Variants in ATP6V1A observed in about 807,000 individuals in gnomAD.
ATP6V1A encodes ATPase H+ transporting V1 subunit A.
In ATP6V1A, 18 loss-of-function variants were observed where a neutral mutation model predicts 70.1. The observed-to-expected ratio is 0.26, with a 90% confidence interval of 0.18 to 0.38. ATP6V1A has a LOEUF of 0.38. Among genes scored for constraint, ATP6V1A ranks in the 10% least tolerant of loss-of-function variants. The pLI is 1.00. For synonymous variants in ATP6V1A, 232 were observed against 253.8 expected (o/e 0.91, Z 0.82); for missense variants, 424 against 772.4 (o/e 0.55, Z 5.35).
At chr3:113,753,259 C>A (rs1034075539) in intron 1 of ATP6V1A, among the ~76,000 whole-genome samples, 16 of 152,196 alleles carry the variant, frequency 1.1e-4, no homozygotes, top group African/African-American at 3.9e-4. Context: ...AATATTATTT[C>A]TCTGACAAGC....
In ATP6V1A at chr3:113,767,987, G is replaced by A. The variant is rs79455600; in HGVS notation, c.-13-10754G>A. Among the ~76,000 whole-genome samples the A allele has an allele frequency of 5.2e-3, 787 of 152,220 alleles. 10 individuals carry two copies. Among genetic ancestry groups the A allele is most frequent in the African/African-American group, 0.018 (765 of 41,548 alleles). ...AAAAGTGACATAAAAATCATTTCTG[G>A]ACAAGCTTGTTGATGAACTGTAAGT... On this transcript the variant is annotated intron_variant, in intron 1 of 14. Coordinates refer to ENST00000273398, the MANE Select transcript of ATP6V1A (RefSeq NM_001690.4).
At chr3:113,750,715 G>C (rs1314347649) in intron 1 of ATP6V1A, among the ~76,000 whole-genome samples, 2 of 152,110 alleles carry the variant, frequency 1.3e-5, no homozygotes, top group Non-Finnish European at 2.9e-5. Context: ...AAAATGCCTA[G>C]AACATATTTT....
At position 113,809,596 on chromosome 3, in the gene ATP6V1A, C is replaced by T; in HGVS notation, c.*169C>T. 9 of 547,216 alleles carry T rather than the reference C, an allele frequency of 1.6e-5. No individual in the cohort carries two copies. In the South Asian group the frequency reaches 2.1e-4, roughly 13 times the overall value. The allele number at this position is 547,216 out of a possible 1,614,324, so 33.9% of individuals were successfully genotyped here. A position where few individuals can be genotyped will look rare whatever the true frequency, so the allele number is the denominator to read the frequency against. On this transcript the variant is annotated 3_prime_UTR_variant, in exon 15 of 15. Coordinates refer to ENST00000273398, the MANE Select transcript of ATP6V1A (RefSeq NM_001690.4). ...TTTTTTTGGTAGGTCTTATATAAAA[C>T]AAACATTCCTTTGTTCTAGTGTTGT...
At chr3:113,768,480 G>A (rs1049221769) in intron 1 of ATP6V1A, among the ~76,000 whole-genome samples, 1 of 152,064 alleles carries the variant, frequency 6.6e-6, no homozygotes, top group Non-Finnish European at 1.5e-5. Context: ...TCCTTAGCAA[G>A]GTGGGCTGCC....
At chr3:113,804,369 A>G (rs892218063) in intron 13 of ATP6V1A, among the ~76,000 whole-genome samples, 1 of 152,150 alleles carries the variant, frequency 6.6e-6, no homozygotes, top group African/African-American at 2.4e-5. Flanking sequence ...TCATTTCCCA[A>G]GAGTCCTATT....
intron 13 of ATP6V1A, 52 bp downstream of exon 13, chr3:113,803,729 G>A: frequency 2.1e-6 from 3 of 1,428,982 alleles, no homozygotes; most frequent in Non-Finnish European, 2.9e-6. Context: ...GTTGTGTTTT[G>A]GTGAAGGAGT....
intron 11 of ATP6V1A, among the ~76,000 whole-genome samples, chr3:113,797,391 T>C (rs980874868): frequency 7.9e-5 from 12 of 151,870 alleles, no homozygotes; most frequent in African/African-American, 2.9e-4. Flanking sequence ...TAAGCTGGCA[T>C]TACAGGCATG....
At chr3:113,775,229 CTTT>C (rs200572945) in intron 1 of ATP6V1A, among the ~76,000 whole-genome samples, 4 of 137,836 alleles carry the variant, frequency 2.9e-5, no homozygotes, top group African/African-American at 2.7e-5. Context: ...TCACAAGGAA[CTTT>C]TTTTTTTTTT....
rs1358963035 is a variant in ATP6V1A, at chr3:113,784,710, C to G, written c.441C>G (p.Ile147Met). Residue 147 changes from isoleucine to methionine, a missense_variant, in exon 5 of 15, where the codon ATC becomes ATG. Physicochemically the swap from Ile to Met is conservative, Grantham distance 10. This residue lies in a region of ATP6V1A where 139 missense variants were observed against 163.5 expected (regional missense o/e 0.85). Coordinates refer to ENST00000273398, the MANE Select transcript of ATP6V1A (RefSeq NM_001690.4). The stretch of plus-strand genomic sequence containing the variant: ...TTTATCTCTAGGTTGGTAGTCATAT[C>G]ACTGGCGGAGACATTTATGGAATTG... The part of the protein sequence containing the change: ...PCKNLRVGSH[I>M]TGGDIYGIVS... The G allele has an allele frequency of 3.7e-6, 6 of 1,613,926 alleles. No individual in the cohort carries two copies. The highest frequency in any genetic ancestry group is 1.3e-5 in the African/African-American group (1 of 74,926).
intron 12 of ATP6V1A, among the ~76,000 whole-genome samples, chr3:113,802,032 C>A (rs1709218938): frequency 6.6e-6 from 1 of 151,908 alleles, no homozygotes; most frequent in Non-Finnish European, 1.5e-5. Flanking sequence ...GTGATCCTGG[C>A]AACACTAATA....
intron 8 of ATP6V1A, among the ~76,000 whole-genome samples, chr3:113,791,478 T>C (rs1263284170): frequency 6.6e-6 from 1 of 152,060 alleles, no homozygotes; most frequent in Non-Finnish European, 1.5e-5. Flanking sequence ...TTCTCTTCTG[T>C]CTTTTTCCTT....
intron 14 of ATP6V1A, among the ~76,000 whole-genome samples, chr3:113,806,080 C>T (rs1709272910): frequency 6.6e-6 from 1 of 152,052 alleles, no homozygotes. Flanking sequence ...CAAGACCAGC[C>T]TGGGCAACAT....
At chr3:113,783,197 CTT>C (rs1432340096) in intron 3 of ATP6V1A, among the ~76,000 whole-genome samples, 3 of 152,066 alleles carry the variant, frequency 2.0e-5, no homozygotes, top group African/African-American at 7.2e-5. Flanking sequence ...TTATCAATGT[CTT>C]AATGATAGAA....
chr3:113,788,656 T>C, intron 6 of ATP6V1A, 57 bp from the exon 7 acceptor site: 1 of 1,558,744 alleles, frequency 6.4e-7, no homozygotes, highest in Non-Finnish European at 8.7e-7. Flanking sequence ...GCCCCTACTT[T>C]ATTTATTAAT....
chr3:113,788,633 G>A, intron 6 of ATP6V1A, 80 bp from the exon 7 acceptor site: 1 of 1,402,628 alleles, frequency 7.1e-7, no homozygotes, highest in Non-Finnish European at 9.7e-7. Flanking sequence ...ACAGGCGTGA[G>A]CCACCGCGCC....
chr3:113,809,372 A>T lies in ATP6V1A; in HGVS notation c.1799A>T (p.Asp600Val). ...GATGGTGAGGCAAAGATCAAAAGCG[A>T]CTATGCACAACTTCTTGAAGACATG... ...LKDGEAKIKS[D>V]YAQLLEDMQN... The change falls in exon 15 of 15, where the codon GAC (aspartate) becomes GTC (valine). Residue 600 changes from aspartate (D) to valine (V), a missense_variant. Around this residue, in one of 9 missense-constraint regions of ATP6V1A, gnomAD observed 127 missense variants for 207.9 expected, o/e 0.61. Transcript: ENST00000273398. 1 of 1,614,024 alleles carries T rather than the reference A, an allele frequency of 6.2e-7. No homozygotes were observed. Among genetic ancestry groups the T allele is most frequent in the Non-Finnish European group, 8.5e-7 (1 of 1,179,896 alleles).
At chr3:113,750,458 G>C (rs1171962346) in intron 1 of ATP6V1A, among the ~76,000 whole-genome samples, 5 of 152,032 alleles carry the variant, frequency 3.3e-5, no homozygotes, top group Non-Finnish European at 5.9e-5. Flanking sequence ...CTCCAGCCTG[G>C]GCAACAGAGT....
chr3:113,763,631 A>G (rs1363332753), intron 1 of ATP6V1A, among the ~76,000 whole-genome samples: 4 of 152,210 alleles, frequency 2.6e-5, no homozygotes, highest in South Asian at 4.1e-4. Context: ...TCTCGTGTAT[A>G]TAAATATTGT....
intron 12 of ATP6V1A, among the ~76,000 whole-genome samples, chr3:113,800,874 G>T (rs1236686284): frequency 2.0e-5 from 3 of 152,176 alleles, no homozygotes; most frequent in Non-Finnish European, 4.4e-5. Context: ...TCATGGACTG[G>T]CTGGGCATTG....
Sources: allele counts gnomAD v4.1 joint callset (sites outside exome capture counted in the v4.1 genomes callset), GRCh38; gene constraint gnomAD v4.1.1; regional missense constraint gnomAD v4.1.1; transcripts MANE v1.5; gene names NCBI Gene and HGNC (gene_info 2026-07-23, HGNC 2026-07-21).